NBEA: variants seen among roughly 807,000 people sequenced by gnomAD.
The protein encoded by NBEA is neurobeachin, also known as lysosomal-trafficking regulator 2.
In NBEA, 44 loss-of-function variants were observed where a neutral mutation model predicts 343.4. The ratio of observed to expected loss-of-function variants is 0.13; its 90% CI spans 0.10 to 0.16. The LOEUF is 0.16. Ranked by LOEUF, NBEA falls within the 10% of genes least tolerant of loss-of-function variation. The pLI is 1.00. For missense variants in NBEA, 2,555 were observed against 3,631.3 expected (o/e 0.70, Z 7.62); for synonymous variants, 1,175 against 1,238.7 (o/e 0.95, Z 1.08).
intron 49 of NBEA, among the ~76,000 whole-genome samples, chr13:35,631,678 T>C (rs1028891134): frequency 6.7e-6 from 1 of 148,226 alleles, no homozygotes; most frequent in Non-Finnish European, 1.5e-5. Flanking sequence ...TACTTGCCTA[T>C]AACTTTGAGT....
intron 51 of NBEA, among the ~76,000 whole-genome samples, chr13:35,647,302 A>G (rs993076480): frequency 1.3e-5 from 2 of 152,168 alleles, no homozygotes; most frequent in African/African-American, 4.8e-5. Context: ...CGTTCACAAG[A>G]TGAACTTCAA....
At chr13:35,429,251 C>G (rs2044926384) in intron 38 of NBEA, among the ~76,000 whole-genome samples, 1 of 152,190 alleles carries the variant, frequency 6.6e-6, no homozygotes, top group South Asian at 2.1e-4. Context: ...TGATACCACC[C>G]AGCAAGGGTG....
intron 38 of NBEA, among the ~76,000 whole-genome samples, chr13:35,412,795 A>G (rs1025602574): frequency 6.6e-6 from 1 of 152,144 alleles, no homozygotes; most frequent in Non-Finnish European, 1.5e-5. Context: ...TCTTGCAGTT[A>G]GAAGCGGTGC....
intron 41 of NBEA, among the ~76,000 whole-genome samples, chr13:35,522,503 A>T (rs2077767913): frequency 7.0e-6 from 1 of 143,762 alleles, no homozygotes; most frequent in Non-Finnish European, 1.5e-5. Context: ...AAAAAAAAAA[A>T]AAATGGATGC....
At chr13:35,113,337 A>G (rs1165903300) in intron 13 of NBEA, among the ~76,000 whole-genome samples, 1 of 152,128 alleles carries the variant, frequency 6.6e-6, no homozygotes, top group Non-Finnish European at 1.5e-5. Context: ...TGATTAAGGT[A>G]TTATCTTCCA....
intron 47 of NBEA, among the ~76,000 whole-genome samples, chr13:35,595,495 T>G (rs918894174): frequency 3.4e-5 from 5 of 146,098 alleles, no homozygotes; most frequent in African/African-American, 1.4e-4. Context: ...CCATGTAGAC[T>G]TCCCCTTTCT....
intron 10 of NBEA, among the ~76,000 whole-genome samples, chr13:35,071,382 G>A (rs1297812848): frequency 1.3e-5 from 2 of 151,566 alleles, no homozygotes; most frequent in Non-Finnish European, 2.9e-5. Context: ...ATCTAACCAG[G>A]CAAATCCATG....
At chr13:35,377,142 T>G (rs2041789440) in intron 38 of NBEA, among the ~76,000 whole-genome samples, 1 of 152,146 alleles carries the variant, frequency 6.6e-6, no homozygotes, top group African/African-American at 2.4e-5. Context: ...ATAAAAAAAG[T>G]GAAGAGAAGA....
At chr13:34,948,245 C>T (rs917741072) in intron 1 of NBEA, among the ~76,000 whole-genome samples, 3 of 152,154 alleles carry the variant, frequency 2.0e-5, no homozygotes, top group African/African-American at 7.2e-5. Flanking sequence ...TACCCCACTG[C>T]CTGCCTTGAG....
chr13:35,615,246 C>G (rs375082463), intron 48 of NBEA, among the ~76,000 whole-genome samples: 1 of 149,174 alleles, frequency 6.7e-6, no homozygotes, highest in East Asian at 2.0e-4. Flanking sequence ...CAACATCACA[C>G]CATTGCACTC....
chr13:35,192,160 C>T (rs990396128), intron 30 of NBEA, among the ~76,000 whole-genome samples: 5 of 152,016 alleles, frequency 3.3e-5, no homozygotes, highest in Admixed American at 6.6e-5. Context: ...ATATAACCTA[C>T]ACAGATGCAA....
At chr13:35,082,984 G>T (rs973962527) in intron 10 of NBEA, among the ~76,000 whole-genome samples, 2 of 152,154 alleles carry the variant, frequency 1.3e-5, no homozygotes, top group Admixed American at 6.6e-5. Flanking sequence ...TAGTCATGAA[G>T]TCCTTGCCCA....
intron 45 of NBEA, among the ~76,000 whole-genome samples, chr13:35,581,813 G>T (rs2081053868): frequency 6.8e-6 from 1 of 147,816 alleles, no homozygotes; most frequent in Non-Finnish European, 1.5e-5. Context: ...CAGCGCACCA[G>T]CATGGCACAT....
chr13:34,963,969 A>G lies in NBEA; in HGVS notation c.294+20855A>G, dbSNP rs79383362. 7.5e-3 allele frequency among the ~76,000 whole-genome samples: 1,137 copies of G among 152,118 alleles called. 11 individuals carry two copies. The highest frequency in any genetic ancestry group is 0.026 in the African/African-American group (1,074 of 41,526). ...GGGATTTTGCTAAATGCTTTACCCTATGACTTTGGTAGTTTTATAGATGAG... is the reference window on the plus strand; with the variant it reads ...GGGATTTTGCTAAATGCTTTACCCTGTGACTTTGGTAGTTTTATAGATGAG... On this transcript the variant is annotated intron_variant, in intron 1 of 58. Transcript: ENST00000379939.
intron 38 of NBEA, among the ~76,000 whole-genome samples, chr13:35,416,671 C>T (rs1052611304): frequency 6.6e-6 from 1 of 152,176 alleles, no homozygotes; most frequent in Non-Finnish European, 1.5e-5. Flanking sequence ...CATCAATGTT[C>T]ATCAAGGATA....
At chr13:35,569,733 C>A (rs1011484320) in intron 45 of NBEA, among the ~76,000 whole-genome samples, 2 of 152,078 alleles carry the variant, frequency 1.3e-5, no homozygotes, top group African/African-American at 4.8e-5. Context: ...ATATGAGAGG[C>A]CAGCATTTAC....
At chr13:35,010,738 AAAAATATATATATATATAT>A (rs2061460115) in intron 1 of NBEA, among the ~76,000 whole-genome samples, 2 of 32,068 alleles carry the variant, frequency 6.2e-5, no homozygotes, top group Admixed American at 4.4e-4. Context: ...AAAAAAAAAA[AAAAATATATATATATATAT>A]ATATATATAT....
intron 38 of NBEA, among the ~76,000 whole-genome samples, chr13:35,385,203 A>G (rs937096621): frequency 3.9e-5 from 6 of 152,118 alleles, no homozygotes; most frequent in Non-Finnish European, 7.4e-5. Context: ...GAGTTTCTGT[A>G]TGTATTACTT....
chr13:35,655,815 A>G (rs2084786815), intron 55 of NBEA, 66 bp downstream of exon 55: 1 of 1,430,486 alleles, frequency 7.0e-7, no homozygotes, highest in South Asian at 1.3e-5. Context: ...TGCCTTTTTG[A>G]TTTTCCTAAT....
Sources: allele counts gnomAD v4.1 joint callset (sites outside exome capture counted in the v4.1 genomes callset), GRCh38; gene constraint gnomAD v4.1.1; transcripts MANE v1.5; gene names NCBI Gene and HGNC (gene_info 2026-07-23, HGNC 2026-07-21).